The following OXR1 variants were observed in gnomAD, a reference collection of about 807,000 sequenced individuals.
The protein encoded by OXR1 is oxidation resistance protein 1.
A neutral mutation model predicts 104.6 loss-of-function variants in OXR1; 41 were observed. The ratio of observed to expected loss-of-function variants is 0.39; its 90% CI spans 0.31 to 0.51. The LOEUF is 0.51. Among genes scored for constraint, OXR1 ranks in the 20% least tolerant of loss-of-function variants. The pLI, the probability that OXR1 is intolerant of heterozygous loss-of-function variation, is 0.77. For synonymous variants in OXR1, 348 were observed against 348.4 expected (o/e 1.00, Z 0.01); for missense variants, 955 against 1,031.9 (o/e 0.93, Z 1.02).
intron 2 of OXR1, among the ~76,000 whole-genome samples, chr8:106,513,027 A>G (rs1812638959): frequency 1.3e-5 from 2 of 152,138 alleles, no homozygotes; most frequent in African/African-American, 4.8e-5. Flanking sequence ...CAAAAAGTGC[A>G]TTTATCCTAC....
rs1251603642 is a variant in OXR1, at chr8:106,652,628, G to A, written c.221-26582G>A. Among the ~76,000 whole-genome samples, 3 of 137,282 alleles carry A rather than the reference G, an allele frequency of 2.2e-5. No individual in the cohort carries two copies. In the Admixed American group the frequency reaches 2.3e-4, roughly 11 times the overall value. The allele number at this position is 137,282 out of a possible 152,430, so 90.1% of individuals were successfully genotyped here. On this transcript the variant is annotated intron_variant, in intron 3 of 16. Transcript: ENST00000517566. ...GACAGAACTAATGAGGTATGTAGCT[G>A]TAAAAACCTATATTATTAAAAAAAA...
At chr8:106,605,820 T>G (rs1455333624) in intron 3 of OXR1, among the ~76,000 whole-genome samples, 1 of 150,818 alleles carries the variant, frequency 6.6e-6, no homozygotes, top group East Asian at 1.9e-4. Context: ...AAAGAAAAAA[T>G]AAAATAAAGG....
chr8:106,463,601 G>T (rs1821022582), intron 2 of OXR1, among the ~76,000 whole-genome samples: 1 of 152,092 alleles, frequency 6.6e-6, no homozygotes, highest in African/African-American at 2.4e-5. Flanking sequence ...ATGTATCTCT[G>T]CTTAGAGAAG....
At chr8:106,554,738 A>T (rs1816132478) in intron 3 of OXR1, among the ~76,000 whole-genome samples, 1 of 152,160 alleles carries the variant, frequency 6.6e-6, no homozygotes, top group African/African-American at 2.4e-5. Context: ...CCCACAAATT[A>T]TATGAGAACC....
intron 2 of OXR1, among the ~76,000 whole-genome samples, chr8:106,507,782 A>G (rs963540692): frequency 3.3e-5 from 5 of 152,184 alleles, no homozygotes; most frequent in Non-Finnish European, 5.9e-5. Flanking sequence ...AAGGGAGTGT[A>G]GGAGGAAGTT....
chr8:106,412,942 T>C lies in OXR1; in HGVS notation c.23+53306T>C, dbSNP rs140329556. Among the ~76,000 whole-genome samples the C allele has an allele frequency of 5.9e-5, 9 of 152,228 alleles. No homozygotes were observed. The East Asian group carries it at 1.4e-3, about 23-fold the overall frequency. The stretch of plus-strand genomic sequence containing the variant: ...ACAATGTGTTATAGAAATTTACTGA[T>C]ACATGATACCTTGCATTTTTCTGAA... On this transcript the variant is annotated intron_variant, in intron 2 of 16. Coordinates refer to ENST00000517566, the MANE Select transcript of OXR1 (RefSeq NM_001198533.2).
intron 3 of OXR1, among the ~76,000 whole-genome samples, chr8:106,651,275 A>G (rs1824547841): frequency 6.6e-6 from 1 of 152,190 alleles, no homozygotes; most frequent in Admixed American, 6.5e-5. Context: ...CATTCCTCTT[A>G]TTAGTAATGA....
chr8:106,271,847 A>G (rs1811825747), intron 1 of OXR1: 1 of 151,984 alleles, frequency 6.6e-6, no homozygotes, highest in Non-Finnish European at 1.5e-5. Flanking sequence ...GACTCCCTCT[A>G]TGGAAGGGAA....
At chr8:106,741,487 G>GT (rs1311520515) in intron 14 of OXR1, among the ~76,000 whole-genome samples, 1 of 152,062 alleles carries the variant, frequency 6.6e-6, no homozygotes, top group East Asian at 1.9e-4. Flanking sequence ...TGAGCTATGT[G>GT]TTTATGTTTT....
At chr8:106,648,556 T>A (rs1824277134) in intron 3 of OXR1, among the ~76,000 whole-genome samples, 1 of 152,192 alleles carries the variant, frequency 6.6e-6, no homozygotes, top group African/African-American at 2.4e-5. Context: ...GTTTTCTACT[T>A]AAGATTCCAC....
chr8:106,287,078 AG>A (rs1398985861), intron 1 of OXR1, among the ~76,000 whole-genome samples: 2 of 152,194 alleles, frequency 1.3e-5, no homozygotes, highest in Admixed American at 1.3e-4. Context: ...AGGAAAGAAA[AG>A]ATACCCAATA....
chr8:106,471,789 C>T (rs1201896803), intron 2 of OXR1, among the ~76,000 whole-genome samples: 3 of 151,802 alleles, frequency 2.0e-5, no homozygotes, highest in East Asian at 1.9e-4. Context: ...GGCATTTTCA[C>T]GCTACGTGCT....
intron 1 of OXR1, among the ~76,000 whole-genome samples, chr8:106,355,556 A>G (rs1292498727): frequency 1.3e-5 from 2 of 152,142 alleles, no homozygotes; most frequent in African/African-American, 4.8e-5. Flanking sequence ...AAAATAAATC[A>G]GATAGTTATA....
chr8:106,555,846 GTGTATA>G (rs1409096148), intron 3 of OXR1, among the ~76,000 whole-genome samples: 4 of 150,474 alleles, frequency 2.7e-5, no homozygotes, highest in African/African-American at 9.7e-5. Flanking sequence ...TATAGTGTGT[GTGTATA>G]TGTATATGTG....
At chr8:106,675,572 G>T (rs1387408643) in intron 3 of OXR1, among the ~76,000 whole-genome samples, 1 of 152,084 alleles carries the variant, frequency 6.6e-6, no homozygotes, top group Non-Finnish European at 1.5e-5. Flanking sequence ...AGTCATTCAG[G>T]AGCAGATTAT....
chr8:106,711,463 A>G (rs73699995), intron 10 of OXR1, among the ~76,000 whole-genome samples: 109 of 152,282 alleles, frequency 7.2e-4, no homozygotes, highest in African/African-American at 2.5e-3. Context: ...CAAACTCATT[A>G]CAACGTACTA....
At chr8:106,574,868 A>T (rs1052677576) in intron 3 of OXR1, among the ~76,000 whole-genome samples, 1 of 152,254 alleles carries the variant, frequency 6.6e-6, no homozygotes, top group Non-Finnish European at 1.5e-5. Flanking sequence ...GCCCATTTTT[A>T]AAAAGTTTGG....
At chr8:106,501,367 G>A (rs1430920373) in intron 2 of OXR1, among the ~76,000 whole-genome samples, 2 of 152,196 alleles carry the variant, frequency 1.3e-5, no homozygotes, top group Non-Finnish European at 2.9e-5. Context: ...TAGAGATGAA[G>A]CCAGTGAAGT....
At chr8:106,515,733 A>G (rs747669723) in intron 2 of OXR1, among the ~76,000 whole-genome samples, 6 of 152,118 alleles carry the variant, frequency 3.9e-5, no homozygotes, top group Admixed American at 6.6e-5. Flanking sequence ...TTTTAGCTCT[A>G]GTCTGAAAAC....
Sources: gnomAD v4.1 joint callset for allele counts (sites outside exome capture counted in the v4.1 genomes callset) on GRCh38, gnomAD v4.1.1 for gene constraint, MANE v1.5 for transcripts, NCBI Gene and HGNC (gene_info 2026-07-23, HGNC 2026-07-21) for gene names.